GRID2: variants seen among roughly 807,000 people sequenced by gnomAD.
The protein encoded by GRID2 is glutamate receptor ionotropic, delta-2.
In GRID2, 33 loss-of-function variants were observed where a neutral mutation model predicts 114.8. The observed-to-expected ratio is 0.29, with a 90% confidence interval of 0.22 to 0.38. GRID2 has a LOEUF of 0.38. Among genes scored for constraint, GRID2 ranks in the 10% least tolerant of loss-of-function variants. The probability of loss-of-function intolerance (pLI) is 1.00; values close to 1 mark genes in which losing one functional copy is unlikely to be tolerated. For synonymous variants in GRID2, 505 were observed against 449.9 expected (o/e 1.12, Z -1.55); for missense variants, 1,184 against 1,257.7 (o/e 0.94, Z 0.89).
At chr4:93,312,863 A>G (rs1362041768) in intron 8 of GRID2, among the ~76,000 whole-genome samples, 2 of 152,288 alleles carry the variant, frequency 1.3e-5, no homozygotes, top group South Asian at 2.1e-4. Context: ...TGAAGCCCCA[A>G]GTGTATAGGG....
At chr4:92,504,956 T>C (rs1723881820) in intron 1 of GRID2, among the ~76,000 whole-genome samples, 1 of 151,980 alleles carries the variant, frequency 6.6e-6, no homozygotes, top group African/African-American at 2.4e-5. Flanking sequence ...AGAATACAAG[T>C]CAAACTAATA....
chr4:92,564,721 G>A (rs62307849), intron 1 of GRID2, among the ~76,000 whole-genome samples: 12,934 of 151,706 alleles, frequency 0.085, 655 homozygotes, highest in African/African-American at 0.13. Flanking sequence ...CAGTTAAAGG[G>A]GGTTAACCAA....
At chr4:93,336,803 A>C (rs928480446) in intron 8 of GRID2, among the ~76,000 whole-genome samples, 1 of 152,156 alleles carries the variant, frequency 6.6e-6, no homozygotes, top group Non-Finnish European at 1.5e-5. Flanking sequence ...TTTATATTAC[A>C]TTAACCCTTA....
intron 2 of GRID2, among the ~76,000 whole-genome samples, chr4:92,638,199 A>C (rs1731165647): frequency 6.6e-6 from 1 of 151,694 alleles, no homozygotes; most frequent in Non-Finnish European, 1.5e-5. Flanking sequence ...TCTTAAAATA[A>C]ATACATGAGT....
intron 1 of GRID2, among the ~76,000 whole-genome samples, chr4:92,528,260 C>A (rs185882185): frequency 1.1e-4 from 17 of 149,978 alleles, no homozygotes; most frequent in Admixed American, 4.7e-4. Flanking sequence ...ATTAACCATT[C>A]TTACTTGGGT....
intron 13 of GRID2, among the ~76,000 whole-genome samples, chr4:93,592,955 G>A (rs1356977424): frequency 1.3e-5 from 2 of 150,882 alleles, no homozygotes; most frequent in African/African-American, 2.4e-5. Flanking sequence ...GTGTGTCTCT[G>A]CACGTGAGAT....
At chr4:92,628,590 A>G (rs1311660673) in intron 2 of GRID2, among the ~76,000 whole-genome samples, 1 of 152,030 alleles carries the variant, frequency 6.6e-6, no homozygotes, top group Admixed American at 6.6e-5. Flanking sequence ...ACTCCTGAGG[A>G]AAGGCGATCT....
At chr4:93,393,823 G>GA (rs1765078765) in intron 8 of GRID2, among the ~76,000 whole-genome samples, 1 of 151,980 alleles carries the variant, frequency 6.6e-6, no homozygotes, top group African/African-American at 2.4e-5. Flanking sequence ...TACACAAACT[G>GA]ACAATAGGTT....
rs142027573 is a variant in GRID2 at position 92,871,082 on chromosome 4, A to C, written c.245-213913A>C. Among the ~76,000 whole-genome samples the C allele has an allele frequency of 5.4e-4, 82 of 152,216 alleles. No individual in the cohort carries two copies. The East Asian group carries it at 0.015, about 28-fold the overall frequency. On this transcript the variant is annotated intron_variant, in intron 2 of 15. Coordinates refer to ENST00000282020, the MANE Select transcript of GRID2 (RefSeq NM_001510.4). ...CTCTCCCTTTTTCATTTTTTAAAAC[A>C]TGTATTAGGTAAACAGAATGTTGGT...
chr4:92,631,515 ATAATTT>A (rs1484014107), intron 2 of GRID2, among the ~76,000 whole-genome samples: 1 of 152,154 alleles, frequency 6.6e-6, no homozygotes, highest in African/African-American at 2.4e-5. Context: ...AATTAGGAAA[ATAATTT>A]TAAATACTTT....
chr4:93,435,784 T>C (rs928554570), intron 10 of GRID2, among the ~76,000 whole-genome samples: 5 of 152,196 alleles, frequency 3.3e-5, no homozygotes, highest in African/African-American at 1.2e-4. Context: ...TCCATTCTCT[T>C]AACAACTATG....
chr4:93,055,129 G>GT (rs1417799697), intron 2 of GRID2, among the ~76,000 whole-genome samples: 2 of 151,826 alleles, frequency 1.3e-5, no homozygotes, highest in African/African-American at 4.8e-5. Context: ...TTATTTACAT[G>GT]TAAGATGGTA....
intron 14 of GRID2, among the ~76,000 whole-genome samples, chr4:93,638,301 C>CTTTTTTTTTTTTT (rs1184003180): frequency 1.3e-5 from 1 of 77,318 alleles, no homozygotes; most frequent in Non-Finnish European, 2.7e-5. Context: ...AAACTTGCAT[C>CTTTTTTTTTTTTT]TTTTTTTTTT....
At chr4:93,723,470 G>A (rs1319833043) in intron 14 of GRID2, among the ~76,000 whole-genome samples, 2 of 152,210 alleles carry the variant, frequency 1.3e-5, no homozygotes, top group African/African-American at 4.8e-5. Context: ...GGACCAATCA[G>A]AATTGATGTT....
chr4:93,652,343 A>C (rs1179744073), intron 14 of GRID2, among the ~76,000 whole-genome samples: 1 of 152,154 alleles, frequency 6.6e-6, no homozygotes, highest in Non-Finnish European at 1.5e-5. Context: ...ACTGTGAGAA[A>C]ATTAATACAG....
intron 2 of GRID2, among the ~76,000 whole-genome samples, chr4:92,992,155 T>G (rs2149205103): frequency 6.6e-6 from 1 of 152,316 alleles, no homozygotes; most frequent in East Asian, 1.9e-4. Context: ...CATGTATCTT[T>G]ACATTTTCAC....
At chr4:93,246,607 A>G (rs1304031645) in intron 8 of GRID2, among the ~76,000 whole-genome samples, 2 of 151,766 alleles carry the variant, frequency 1.3e-5, no homozygotes, top group African/African-American at 4.8e-5. Context: ...AAAGAAAAAA[A>G]GAAAAGAAAA....
At chr4:93,662,705 A>G (rs1041441845) in intron 14 of GRID2, among the ~76,000 whole-genome samples, 1 of 152,188 alleles carries the variant, frequency 6.6e-6, no homozygotes, top group African/African-American at 2.4e-5. Context: ...GTAGCATGAG[A>G]GTTTATATTA....
At chr4:93,630,065 A>G (rs958572655) in intron 14 of GRID2, among the ~76,000 whole-genome samples, 2 of 152,214 alleles carry the variant, frequency 1.3e-5, no homozygotes, top group Admixed American at 6.5e-5. Context: ...ACACATTGGA[A>G]TGACTTCAAG....
Sources: allele counts gnomAD v4.1 joint callset (sites outside exome capture counted in the v4.1 genomes callset), GRCh38; gene constraint gnomAD v4.1.1; transcripts MANE v1.5; gene names NCBI Gene and HGNC (gene_info 2026-07-23, HGNC 2026-07-21).